THTPA: variants seen among roughly 807,000 people sequenced by gnomAD.
THTPA encodes thiamine-triphosphatase.
In THTPA, 16 loss-of-function variants were observed where a neutral mutation model predicts 16.5. That is an observed-to-expected ratio of 0.97 (90% CI 0.66 to 1.47). THTPA has a LOEUF of 1.47. THTPA is among the 40% of genes most tolerant of loss of function. THTPA has a pLI of 0.00. For synonymous variants in THTPA, 110 were observed against 115.5 expected (o/e 0.95, Z 0.30); for missense variants, 281 against 280.9 (o/e 1.00, Z 0.00).
the THTPA span, chr14:23,514,452 G>A: frequency 9.8e-5 from 15 of 152,662 alleles, no homozygotes; most frequent in Non-Finnish European, 8.8e-5. Context: ...GTGGAAGGAG[G>A]GAAGGGCTGG....
the THTPA span, chr14:23,531,636 C>A: frequency 6.6e-7 from 1 of 1,519,056 alleles, no homozygotes; most frequent in Non-Finnish European, 8.8e-7. Flanking sequence ...CACAGCCAAG[C>A]GGGAGGGTGT....
chr14:23,552,316 C>T (rs1882032802), upstream of THTPA, among the ~76,000 whole-genome samples: 2 of 141,334 alleles, frequency 1.4e-5, no homozygotes, highest in Admixed American at 1.4e-4. Flanking sequence ...TTTCTGGAGA[C>T]GGAGTCTCAC....
chr14:23,532,827 T>G, the THTPA span: 1 of 1,536,416 alleles, frequency 6.5e-7, no homozygotes, highest in Non-Finnish European at 8.7e-7. Flanking sequence ...TTGAGCTGGG[T>G]GCCATAGCAG....
chr14:23,552,857 C>T (rs565023016), upstream of THTPA, among the ~76,000 whole-genome samples: 53 of 152,310 alleles, frequency 3.5e-4, no homozygotes, highest in Admixed American at 2.1e-3. Context: ...CGGCCTCAGC[C>T]TCCCAAAGTC....
chr14:23,529,614 A>G, the THTPA span: 1 of 1,240,596 alleles, frequency 8.1e-7, no homozygotes, highest in Non-Finnish European at 1.1e-6. Context: ...GAAATAAGTC[A>G]AAGCATGACA....
chr14:23,518,834 G>A, the THTPA span, among the ~76,000 whole-genome samples: 1 of 152,196 alleles, frequency 6.6e-6, no homozygotes, highest in African/African-American at 2.4e-5. The surrounding 1 kb of genome is among the most constrained non-coding windows in gnomAD (Gnocchi z 4.5). Context: ...TTCTGCAAAG[G>A]ATTGTGCTGA....
At chr14:23,535,251 C>T in the THTPA span, 29 of 1,512,042 alleles carry the variant, frequency 1.9e-5, no homozygotes, top group Admixed American at 8.0e-5. The surrounding 1 kb of genome is among the most constrained non-coding windows in gnomAD (Gnocchi z 4.5). Flanking sequence ...AGAAGGTGTC[C>T]GAAGGCAGGG....
the THTPA span, chr14:23,526,146 G>T: frequency 1.3e-6 from 2 of 1,536,468 alleles, no homozygotes; most frequent in Non-Finnish European, 1.7e-6. Flanking sequence ...GACCGCATGT[G>T]GATCTCCAGG....
chr14:23,529,980 C>A, the THTPA span: 89 of 1,022,808 alleles, frequency 8.7e-5, no homozygotes, highest in Middle Eastern at 1.2e-3. Flanking sequence ...CGTGGCTCAG[C>A]CTCCCTTCCC....
chr14:23,534,147 T>C, the THTPA span: 1 of 1,471,302 alleles, frequency 6.8e-7, no homozygotes, highest in South Asian at 1.4e-5. The surrounding 1 kb of genome is among the most constrained non-coding windows in gnomAD (Gnocchi z 4.5). Flanking sequence ...TGGAGGTGGG[T>C]GAGCTTTGGT....
the THTPA span, among the ~76,000 whole-genome samples, chr14:23,540,239 C>T: frequency 6.6e-6 from 1 of 152,250 alleles, no homozygotes; most frequent in Non-Finnish European, 1.5e-5. Context: ...AATCTGCCCG[C>T]TTTGGCCTCC....
chr14:23,523,086 A>T, the THTPA span: 1 of 1,402,650 alleles, frequency 7.1e-7, no homozygotes, highest in Non-Finnish European at 9.2e-7. The surrounding 1 kb of genome is among the most constrained non-coding windows in gnomAD (Gnocchi z 4.1). Flanking sequence ...CAAGAGCCTG[A>T]TGCAAAGGAA....
At chr14:23,523,440 G>C in the THTPA span, 7 of 1,535,308 alleles carry the variant, frequency 4.6e-6, no homozygotes, top group Non-Finnish European at 6.1e-6. This position sits in a 1 kb window ranked among gnomAD's most constrained non-coding sequence, Gnocchi z 4.1. Flanking sequence ...AGGTGCTGAC[G>C]GGAAAAGAGA....
chr14:23,535,951 G>A, the THTPA span, among the ~76,000 whole-genome samples: 1 of 152,024 alleles, frequency 6.6e-6, no homozygotes, highest in African/African-American at 2.4e-5. This position sits in a 1 kb window ranked among gnomAD's most constrained non-coding sequence, Gnocchi z 4.5. Context: ...CTCCAAAGTT[G>A]GTACCAACAT....
At chr14:23,526,433 G>A in the THTPA span, 1 of 1,536,398 alleles carries the variant, frequency 6.5e-7, no homozygotes, top group East Asian at 2.4e-5. Flanking sequence ...ATAGGTCAGA[G>A]GGTGGCGAGA....
At chr14:23,518,678 G>A in the THTPA span, among the ~76,000 whole-genome samples, 2 of 152,178 alleles carry the variant, frequency 1.3e-5, no homozygotes, top group African/African-American at 2.4e-5. The surrounding 1 kb of genome is among the most constrained non-coding windows in gnomAD (Gnocchi z 4.5). Flanking sequence ...AAGGACGAGT[G>A]TATGTTAGAA....
chr14:23,530,287 A>G, the THTPA span: 1 of 993,988 alleles, frequency 1.0e-6, no homozygotes, highest in Non-Finnish European at 1.5e-6. Flanking sequence ...CAGCCAGTCA[A>G]TGAAGGAGAA....
At chr14:23,513,761 G>A in the THTPA span, 1,598 of 152,854 alleles carry the variant, frequency 0.01, 16 homozygotes, top group Non-Finnish European at 0.017. Context: ...CAGAACTGGG[G>A]CAATGGAGAC....
chr14:23,531,467 C>CT, the THTPA span: 2 of 1,400,252 alleles, frequency 1.4e-6, no homozygotes, highest in African/African-American at 2.9e-5. Context: ...ATTCTCCAGT[C>CT]CCTTCTTCCT....
Sources: gnomAD v4.1 joint callset for allele counts (sites outside exome capture counted in the v4.1 genomes callset) on GRCh38, gnomAD v4.1.1 for gene constraint, Gnocchi (gnomAD v3.1) non-coding constraint, MANE v1.5 for transcripts, NCBI Gene and HGNC (gene_info 2026-07-23, HGNC 2026-07-21) for gene names.